LUZP2: variants seen among roughly 807,000 people sequenced by gnomAD.
The protein encoded by LUZP2 is leucine zipper protein 2.
In LUZP2, 52 loss-of-function variants were observed where a neutral mutation model predicts 51.6. The ratio of observed to expected loss-of-function variants is 1.01; its 90% confidence interval spans 0.81 to 1.27. The LOEUF is 1.27. Among genes scored for constraint, LUZP2 ranks in the 50% most tolerant of loss-of-function variants. The probability of loss-of-function intolerance (pLI) is 0.00; values close to 1 mark genes in which losing one functional copy is unlikely to be tolerated. For missense variants in LUZP2, 436 were observed against 395.4 expected (o/e 1.10, Z -0.87); for synonymous variants, 154 against 137.3 (o/e 1.12, Z -0.85).
chr11:24,740,302 A>C (rs1859090245), intron 4 of LUZP2, among the ~76,000 whole-genome samples: 1 of 152,202 alleles, frequency 6.6e-6, no homozygotes, highest in Admixed American at 6.5e-5. Context: ...AGAGAGTTAT[A>C]ACTTTTGAAA....
intron 8 of LUZP2, among the ~76,000 whole-genome samples, chr11:24,981,749 A>G (rs1856037769): frequency 6.6e-6 from 1 of 151,888 alleles, no homozygotes; most frequent in Non-Finnish European, 1.5e-5. Flanking sequence ...CTACATTGCT[A>G]TGGCAACGAT....
chr11:25,053,462 A>G (rs1052491625), intron 10 of LUZP2, among the ~76,000 whole-genome samples: 6 of 151,972 alleles, frequency 3.9e-5, no homozygotes, highest in Non-Finnish European at 7.4e-5. Context: ...GTATGTTTCA[A>G]TCATTCATCC....
At chr11:24,789,136 C>T (rs1849334635) in intron 5 of LUZP2, among the ~76,000 whole-genome samples, 1 of 152,094 alleles carries the variant, frequency 6.6e-6, no homozygotes, top group Admixed American at 6.6e-5. Context: ...TGCTGTGTGC[C>T]CAGGAATTAG....
At chr11:24,966,574 A>C (rs1855587118) in intron 7 of LUZP2, among the ~76,000 whole-genome samples, 1 of 149,612 alleles carries the variant, frequency 6.7e-6, no homozygotes, top group Admixed American at 6.7e-5. Context: ...TGTGAGGAAA[A>C]GATCAAGGTT....
chr11:25,059,247 C>A (rs1858767721), intron 10 of LUZP2, among the ~76,000 whole-genome samples: 1 of 152,084 alleles, frequency 6.6e-6, no homozygotes, highest in Admixed American at 6.6e-5. Flanking sequence ...ATAACAAAGT[C>A]ATAGCAATTG....
chr11:24,748,650 G>T (rs976339395), intron 4 of LUZP2, among the ~76,000 whole-genome samples: 1 of 151,958 alleles, frequency 6.6e-6, no homozygotes, highest in African/African-American at 2.4e-5. Flanking sequence ...GAAGAGAGGG[G>T]GTTTCACCAT....
chr11:24,995,882 A>G (rs1233941301), intron 9 of LUZP2, among the ~76,000 whole-genome samples: 6 of 151,978 alleles, frequency 3.9e-5, no homozygotes, highest in Non-Finnish European at 7.4e-5. Flanking sequence ...AAGGGAGAAA[A>G]AAGTCATTCT....
intron 7 of LUZP2, among the ~76,000 whole-genome samples, chr11:24,922,867 T>C (rs935689983): frequency 3.9e-5 from 5 of 126,844 alleles, no homozygotes; most frequent in Non-Finnish European, 6.4e-5. Flanking sequence ...TTTTTTTTTT[T>C]AGAGGGAGTC....
intron 9 of LUZP2, among the ~76,000 whole-genome samples, chr11:25,045,544 C>T (rs4923236): frequency 0.48 from 72,532 of 151,920 alleles, 17,599 homozygotes; most frequent in Non-Finnish European, 0.51. Context: ...TCAGTATATT[C>T]TTTGCCTCAG....
intron 7 of LUZP2, among the ~76,000 whole-genome samples, chr11:24,947,922 G>C (rs1854945381): frequency 6.6e-6 from 1 of 151,760 alleles, no homozygotes; most frequent in African/African-American, 2.4e-5. Context: ...CTTTGACTGT[G>C]ATATGTCTGA....
intron 1 of LUZP2, among the ~76,000 whole-genome samples, chr11:24,541,703 A>G (rs1195644825): frequency 6.6e-6 from 1 of 152,130 alleles, no homozygotes; most frequent in Non-Finnish European, 1.5e-5. Flanking sequence ...GACTAAAAAC[A>G]AAACTTTTAT....
At chr11:25,071,724 C>A (rs1038146202) in intron 10 of LUZP2, among the ~76,000 whole-genome samples, 2 of 151,204 alleles carry the variant, frequency 1.3e-5, no homozygotes, top group South Asian at 2.1e-4. Context: ...ATGTAAATGA[C>A]GAGTTAACGG....
At chr11:24,902,374 A>G (rs1853306349) in intron 5 of LUZP2, among the ~76,000 whole-genome samples, 1 of 152,166 alleles carries the variant, frequency 6.6e-6, no homozygotes, top group African/African-American at 2.4e-5. Context: ...TCCATGAAGC[A>G]CAATATTCTA....
At chr11:24,877,422 TTA>T (rs1852308069) in intron 5 of LUZP2, among the ~76,000 whole-genome samples, 2 of 141,766 alleles carry the variant, frequency 1.4e-5, no homozygotes, top group African/African-American at 5.1e-5. Context: ...TAAGACTCTC[TTA>T]AAAATATGTA....
At chr11:24,876,710 T>C (rs1852278018) in intron 5 of LUZP2, among the ~76,000 whole-genome samples, 1 of 152,188 alleles carries the variant, frequency 6.6e-6, no homozygotes, top group South Asian at 2.1e-4. Context: ...TTTCATGATA[T>C]TGATTCTTCC....
intron 6 of LUZP2, among the ~76,000 whole-genome samples, chr11:24,911,613 C>T (rs748319633): frequency 1.3e-5 from 2 of 152,050 alleles, no homozygotes; most frequent in Non-Finnish European, 2.9e-5. Context: ...CTGAGGCCTC[C>T]CCAGCCATGC....
chr11:24,550,555 A>G (rs1564985297), intron 1 of LUZP2, among the ~76,000 whole-genome samples: 1 of 152,082 alleles, frequency 6.6e-6, no homozygotes, highest in Non-Finnish European at 1.5e-5. Flanking sequence ...GAGGCAGGAA[A>G]TATATTCCAT....
intron 1 of LUZP2, among the ~76,000 whole-genome samples, chr11:24,567,630 A>C (rs1481509945): frequency 6.6e-6 from 1 of 152,128 alleles, no homozygotes; most frequent in Non-Finnish European, 1.5e-5. Flanking sequence ...TAACAGAAGA[A>C]GACTTCTTAT....
chr11:24,602,188 GTATATA>G (rs1853718563), intron 1 of LUZP2, among the ~76,000 whole-genome samples: 1 of 125,438 alleles, frequency 8.0e-6, no homozygotes, highest in East Asian at 2.2e-4. Flanking sequence ...GTGTATATAT[GTATATA>G]TGTACATATA....
Sources: allele counts gnomAD v4.1 joint callset (sites outside exome capture counted in the v4.1 genomes callset), GRCh38; gene constraint gnomAD v4.1.1; transcripts MANE v1.5; gene names NCBI Gene and HGNC (gene_info 2026-07-23, HGNC 2026-07-21).